The following MTHFD2L variants were observed in gnomAD, a reference collection of about 807,000 sequenced individuals.
The protein encoded by MTHFD2L is bifunctional methylenetetrahydrofolate dehydrogenase/cyclohydrolase 2, mitochondrial.
MTHFD2L carries 29 observed loss-of-function variants against 34.9 expected under a neutral mutation model. The observed-to-expected ratio is 0.83, with a 90% CI of 0.62 to 1.13. MTHFD2L has a LOEUF of 1.13. Among genes scored for constraint, MTHFD2L ranks in the 50% most tolerant of loss-of-function variants. The pLI, the probability that MTHFD2L is intolerant of heterozygous loss-of-function variation, is 0.00. For synonymous variants in MTHFD2L, 167 were observed against 155.7 expected (o/e 1.07, Z -0.54); for missense variants, 481 against 446.5 (o/e 1.08, Z -0.70).
chr4:74,165,027 T>G (rs1726361521), intron 1 of MTHFD2L: 1 of 984,202 alleles, frequency 1.0e-6, no homozygotes. Context: ...TATGCATTAA[T>G]GGCAAGGTCA....
chr4:74,157,920 G>T (rs897616630), upstream of MTHFD2L: 1 of 742,488 alleles, frequency 1.3e-6, no homozygotes, highest in Non-Finnish European at 2.3e-6. Context: ...CCCGGGACTT[G>T]GGTCCTGGCC....
intron 6 of MTHFD2L, among the ~76,000 whole-genome samples, chr4:74,275,318 TACC>T (rs1302730520): frequency 6.6e-6 from 1 of 152,232 alleles, no homozygotes. Context: ...AGTGTATATT[TACC>T]ACATTTTCTT....
Position 74,158,148 on chromosome 4 carries a change from C to A in MTHFD2L, c.10C>A (p.Pro4Thr), listed in dbSNP as rs1411401785. MTV[P>T]VRGFSLLRGR... ...CCGGGGATCCGCGGCCATGACGGTG[C>A]CGGTCCGCGGCTTCTCGCTGCTCCG... The change falls in exon 1 of 8, where the codon CCG becomes ACG. Residue 4 changes from proline (P) to threonine (T), a missense_variant. Physicochemically the swap from Pro to Thr is conservative, Grantham distance 38 (BLOSUM62 -1). Coordinates refer to ENST00000325278, the MANE Select transcript of MTHFD2L (RefSeq NM_001144978.3). The A allele has an allele frequency of 4.6e-6, 7 of 1,530,544 alleles. No individual in the cohort carries two copies. In the African/African-American group the frequency reaches 6.9e-5, roughly 15 times the overall value. The allele number at this position is 1,530,544 out of a possible 1,614,324, so 94.8% of individuals were successfully genotyped here.
chr4:74,259,501 C>T (rs1020429098), intron 6 of MTHFD2L, among the ~76,000 whole-genome samples: 2 of 152,166 alleles, frequency 1.3e-5, no homozygotes, highest in Admixed American at 1.3e-4. Flanking sequence ...ACTGCACCTG[C>T]CCCTGAGGCA....
rs1253181597 is a variant in MTHFD2L at position 74,232,952 on chromosome 4, C to A, written c.805+7558C>A. 2.0e-5 allele frequency among the ~76,000 whole-genome samples: 3 copies of A among 152,258 alleles called. No individual in the cohort carries two copies. The East Asian group carries it at 5.8e-4, about 29-fold the overall frequency. ...AGTTTTACTGTTATGAATAATGCAG[C>A]AAACAGCTGTAAACATCTTAGATTA... On this transcript the variant is annotated intron_variant, in intron 6 of 7. Coordinates refer to ENST00000325278, the MANE Select transcript of MTHFD2L (RefSeq NM_001144978.3).
chr4:74,130,212 G>A (rs981435758), intron 1 of MTHFD2L, among the ~76,000 whole-genome samples: 1 of 152,098 alleles, frequency 6.6e-6, no homozygotes, highest in South Asian at 2.1e-4. Flanking sequence ...TAGAAAAAGA[G>A]AGACTCCTCC....
chr4:74,265,658 A>G (rs531216381), intron 6 of MTHFD2L, among the ~76,000 whole-genome samples: 1 of 152,186 alleles, frequency 6.6e-6, no homozygotes, highest in East Asian at 1.9e-4. Flanking sequence ...TGAGCCTTAG[A>G]TTTTAGCCAA....
chr4:74,200,449 C>T (rs1401914015), intron 4 of MTHFD2L, among the ~76,000 whole-genome samples: 5 of 152,270 alleles, frequency 3.3e-5, no homozygotes, highest in African/African-American at 1.2e-4. Context: ...TGGTATATGT[C>T]GGCCTTTAAA....
chr4:74,239,106 C>A (rs952962263), intron 6 of MTHFD2L, among the ~76,000 whole-genome samples: 1 of 152,140 alleles, frequency 6.6e-6, no homozygotes, highest in African/African-American at 2.4e-5. Flanking sequence ...CAGTGATAGA[C>A]TGGATTAAGA....
chr4:74,176,251 C>A lies in MTHFD2L; in HGVS notation c.451+848C>A, dbSNP rs368103546. On this transcript the variant is annotated intron_variant, in intron 3 of 7. Coordinates refer to ENST00000325278, the MANE Select transcript of MTHFD2L (RefSeq NM_001144978.3). ...GTCAGCATTCTATGGTCAGCTATTT[C>A]TCCTACAACTCCATTTACATTAAAT... is the stretch of plus-strand genomic sequence containing the variant. Among the ~76,000 whole-genome samples, 8 of 152,154 alleles carry A rather than the reference C, an allele frequency of 5.3e-5. No homozygotes were observed. In the South Asian group the frequency reaches 1.5e-3, roughly 28 times the overall value.
At chr4:74,296,494 T>C (rs935179236) in intron 7 of MTHFD2L, among the ~76,000 whole-genome samples, 3 of 152,112 alleles carry the variant, frequency 2.0e-5, no homozygotes, top group Non-Finnish European at 4.4e-5. Context: ...CTTTGGTCAA[T>C]GGCACATTAG....
chr4:74,285,342 TA>T (rs1386067259), intron 7 of MTHFD2L, among the ~76,000 whole-genome samples: 1 of 151,834 alleles, frequency 6.6e-6, no homozygotes, highest in Admixed American at 6.6e-5. Flanking sequence ...AAGTATAATT[TA>T]AAAAAAGACT....
intron 5 of MTHFD2L, among the ~76,000 whole-genome samples, chr4:74,215,700 C>G (rs1328641936): frequency 2.0e-5 from 3 of 151,730 alleles, no homozygotes; most frequent in Admixed American, 2.0e-4. Context: ...AAATTCCACC[C>G]TCACGAGCAG....
rs145275138 is a variant in MTHFD2L, at chr4:74,175,351, A to G, written c.399A>G (p.Gln133=). The change falls in exon 3 of 8, where the codon CAA becomes CAG. Residue 133 remains glutamine, a synonymous_variant. Transcript: ENST00000325278. ...AAGAACTTTTGGACGTAACTGATCAATTGAATATGGACCCAAGAGTCAGCG... is the reference window on the plus strand; with the variant it reads ...AAGAACTTTTGGACGTAACTGATCAGTTGAATATGGACCCAAGAGTCAGCG... ...SQEELLDVTD[Q]LNMDPRVSGI... 1.7e-4 allele frequency: 280 copies of G among 1,613,214 alleles called. 1 individual carries two copies. In the African/African-American group the frequency reaches 3.0e-3, roughly 17 times the overall value.
At chr4:74,233,606 A>G (rs771516323) in intron 6 of MTHFD2L, among the ~76,000 whole-genome samples, 6 of 152,088 alleles carry the variant, frequency 3.9e-5, no homozygotes, top group Non-Finnish European at 8.8e-5. Context: ...ATGAAAATTT[A>G]TTATCTATTA....
Position 74,281,448 on chromosome 4 carries a change from G to A in MTHFD2L, c.829G>A (p.Asp277Asn), listed in dbSNP as rs756790647. 37 of 1,612,360 alleles carry A rather than the reference G, an allele frequency of 2.3e-5. No individual in the cohort carries two copies. The highest frequency in any genetic ancestry group is 7.7e-5 in the South Asian group (7 of 90,976). ...AAGIPKLITSDMVKEGAAVID... is the reference protein window; with the variant it reads ...AAGIPKLITSNMVKEGAAVID... Reference sequence around the variant, plus strand: ...AGGTATTCCAAAGTTGATTACGTCTGATATGGTTAAAGAAGGTGCTGCTGT... The same window carrying A: ...AGGTATTCCAAAGTTGATTACGTCTAATATGGTTAAAGAAGGTGCTGCTGT... The change falls in exon 7 of 8, where the codon GAT (aspartate) becomes AAT (asparagine). Residue 277 changes from aspartate to asparagine, a missense_variant. Asp to Asn is a conservative substitution (Grantham distance 23). Coordinates refer to ENST00000325278, the MANE Select transcript of MTHFD2L (RefSeq NM_001144978.3).
chr4:74,177,666 C>A (rs1729304046), intron 3 of MTHFD2L, among the ~76,000 whole-genome samples: 1 of 151,834 alleles, frequency 6.6e-6, no homozygotes. Flanking sequence ...TAAATTGGTA[C>A]AGTCATTTTA....
chr4:74,246,449 G>C (rs1234310835), intron 6 of MTHFD2L, among the ~76,000 whole-genome samples: 1 of 152,126 alleles, frequency 6.6e-6, no homozygotes, highest in East Asian at 1.9e-4. Flanking sequence ...TCTGATGGTA[G>C]TTTCTTTTGC....
intron 1 of MTHFD2L, chr4:74,160,851 T>C (rs946612950): frequency 1.3e-5 from 2 of 152,208 alleles, no homozygotes; most frequent in African/African-American, 4.8e-5. Flanking sequence ...TTATAGACCT[T>C]GCACATTAAT....
Sources: gnomAD v4.1 joint callset for allele counts (sites outside exome capture counted in the v4.1 genomes callset) on GRCh38, gnomAD v4.1.1 for gene constraint, MANE v1.5 for transcripts, NCBI Gene and HGNC (gene_info 2026-07-23, HGNC 2026-07-21) for gene names.